EFCAB14: variants seen among roughly 807,000 people sequenced by gnomAD.
The protein encoded by EFCAB14 is EF-hand calcium-binding domain-containing protein 14.
Under a neutral mutation model 56.5 loss-of-function variants are expected in EFCAB14, and 43 were observed. The observed-to-expected ratio is 0.76, with a 90% CI of 0.60 to 0.98. EFCAB14 has a LOEUF of 0.98. Among genes scored for constraint, EFCAB14 ranks in the 50% least tolerant of loss-of-function variants. The pLI, the probability that EFCAB14 is intolerant of heterozygous loss-of-function variation, is 0.00. For missense variants in EFCAB14, 538 were observed against 580.3 expected, an observed-to-expected ratio of 0.93 and a Z score of 0.75; for synonymous variants, 235 against 212.9, an observed-to-expected ratio of 1.10 and a Z score of -0.90.
chr1:46,703,421 T>A (rs1051054030), intron 3 of EFCAB14, among the ~76,000 whole-genome samples: 6 of 152,336 alleles, frequency 3.9e-5, no homozygotes, highest in East Asian at 3.9e-4. Context: ...TCAATTTTTT[T>A]AAACTGATCA....
intron 4 of EFCAB14, among the ~76,000 whole-genome samples, chr1:46,696,107 C>CT (rs576354908): frequency 0.017 from 2,300 of 139,346 alleles, 36 homozygotes; most frequent in African/African-American, 0.049. Context: ...CCCAGGTCAT[C>CT]TTTTTTTTTT....
Position 46,718,304 on chromosome 1 carries a change from A to C in EFCAB14, c.-217T>G, listed in dbSNP as rs1022775782. 3 of 512,006 alleles carry C rather than the reference A, an allele frequency of 5.9e-6. No homozygotes were observed. The highest frequency in any genetic ancestry group is 5.7e-5 in the African/African-American group (3 of 52,630). 31.7% of individuals were successfully genotyped at this position (512,006 alleles called of 1,614,324 possible). Reference sequence around the variant, plus strand: ...GGAACTCAGATGGGTGGGGGAAATCACATAGAAATGGCCAAGGAGCTGGTG... The same window carrying C: ...GGAACTCAGATGGGTGGGGGAAATCCCATAGAAATGGCCAAGGAGCTGGTG... On this transcript the variant is annotated 5_prime_UTR_variant, in exon 1 of 11. The change abolishes the stop of an existing upstream ORF in the 5' untranslated region. Transcript: ENST00000371933.
In EFCAB14 at chr1:46,683,358, T is replaced by C. The variant is rs766796523; in HGVS notation, c.1254A>G (p.Pro418=). ...LPKFSQFLGD[P]VEKAAQLRPI... ...GTCTTAGTTGGGCAGCTTTCTCAAC[T>C]GGGTCTCCAAGAAACTGTGAAAATT... The change falls in exon 10 of 11, where the codon CCA becomes CCG. Residue 418 remains proline (P), a synonymous_variant. Transcript: ENST00000371933. 3.1e-6 allele frequency: 5 copies of C among 1,614,094 alleles called. No homozygotes were observed. Among genetic ancestry groups the C allele is most frequent in the Non-Finnish European group, 4.2e-6 (5 of 1,179,972 alleles).
At position 46,678,130 on chromosome 1, in the gene EFCAB14, C is replaced by A. The variant is rs777957825; in HGVS notation, c.*331G>T. 6 of 198,094 alleles carry A rather than the reference C, an allele frequency of 3.0e-5. No homozygotes were observed. Among genetic ancestry groups the A allele is most frequent in the East Asian group, 1.5e-4 (1 of 6,856 alleles). The allele number at this position is 198,094 out of a possible 1,614,324, so 12.3% of individuals were successfully genotyped here. A position where few individuals can be genotyped will look rare whatever the true frequency, so the allele number is the denominator to read the frequency against. ...AATATAAAAGTGGCTTATTCTCTCT[C>A]TATATACATTTCCCAGCTTTAAAAG... On this transcript the variant is annotated 3_prime_UTR_variant, in exon 11 of 11. Transcript: ENST00000371933.
chr1:46,709,453 C>G (rs1677276994), intron 2 of EFCAB14, among the ~76,000 whole-genome samples: 1 of 152,184 alleles, frequency 6.6e-6, no homozygotes, highest in African/African-American at 2.4e-5. Flanking sequence ...CACTGCACCT[C>G]TTTTCACTCC....
chr1:46,700,707 T>A (rs931995685), intron 3 of EFCAB14, among the ~76,000 whole-genome samples: 9 of 152,204 alleles, frequency 5.9e-5, no homozygotes, highest in Non-Finnish European at 7.3e-5. Context: ...CATGATATAT[T>A]TTTTAAAATA....
At chr1:46,678,707 A>C in intron 10 of EFCAB14, 71 bp from the exon 11 acceptor site, 1 of 1,433,016 alleles carries the variant, frequency 7.0e-7, no homozygotes, top group Non-Finnish European at 9.4e-7. Flanking sequence ...AGTAGTCTCA[A>C]CTGAATTTAA....
intron 2 of EFCAB14, among the ~76,000 whole-genome samples, chr1:46,714,382 C>T (rs981113654): frequency 2.7e-5 from 4 of 148,220 alleles, no homozygotes; most frequent in Non-Finnish European, 4.4e-5. Flanking sequence ...GGTTCCTTTG[C>T]TTAGAAGATT....
rs570373593 is a variant in EFCAB14, at chr1:46,692,995, T to C, written c.580-1058A>G. 4.6e-5 allele frequency among the ~76,000 whole-genome samples: 7 copies of C among 152,302 alleles called. No individual in the cohort carries two copies. In the South Asian group the frequency reaches 1.5e-3, roughly 32 times the overall value. On this transcript the variant is annotated intron_variant, in intron 4 of 10. Coordinates refer to ENST00000371933, the MANE Select transcript of EFCAB14 (RefSeq NM_014774.3). ...AGATGGCCGAGCTAACACAGTAGAC[T>C]GCCACTTGTTAGGAGCAAAGGACAC...
At chr1:46,701,651 A>G (rs1677160536) in intron 3 of EFCAB14, among the ~76,000 whole-genome samples, 1 of 152,242 alleles carries the variant, frequency 6.6e-6, no homozygotes, top group South Asian at 2.1e-4. Context: ...GCTGAAAGCC[A>G]ATGCCAGCAG....
At chr1:46,692,740 G>A (rs1677018806) in intron 4 of EFCAB14, among the ~76,000 whole-genome samples, 2 of 152,154 alleles carry the variant, frequency 1.3e-5, no homozygotes, top group South Asian at 2.1e-4. Flanking sequence ...GAAAATCGGT[G>A]TTTCTGATTA....
At chr1:46,710,508 G>GTATC (rs1677293272) in intron 2 of EFCAB14, among the ~76,000 whole-genome samples, 1 of 151,960 alleles carries the variant, frequency 6.6e-6, no homozygotes, top group Admixed American at 6.5e-5. Flanking sequence ...TCAGTCTCTA[G>GTATC]TATCCTCTGT....
At chr1:46,702,774 C>G (rs923261659) in intron 3 of EFCAB14, among the ~76,000 whole-genome samples, 1 of 152,116 alleles carries the variant, frequency 6.6e-6, no homozygotes, top group African/African-American at 2.4e-5. Context: ...GAAGTATATG[C>G]AAATAAGCAT....
Position 46,678,276 on chromosome 1 carries a change from T to A in EFCAB14, c.*185A>T, listed in dbSNP as rs747422448. 1.5e-4 allele frequency: 69 copies of A among 471,998 alleles called. No homozygotes were observed. The highest frequency in any genetic ancestry group is 2.4e-4 in the Non-Finnish European group (66 of 275,330). 29.2% of individuals were successfully genotyped at this position (471,998 alleles called of 1,614,324 possible). A position where few individuals can be genotyped will look rare whatever the true frequency, so the allele number is the denominator to read the frequency against. On this transcript the variant is annotated 3_prime_UTR_variant, in exon 11 of 11. Coordinates refer to ENST00000371933, the MANE Select transcript of EFCAB14 (RefSeq NM_014774.3). ...GGAAATCATAGATTTCTGAACATCA[T>A]AAGTAAAATGGTCTTCTTCTTTAAA...
intron 1 of EFCAB14, 38 bp from the exon 2 acceptor site, chr1:46,716,481 T>TACAA: frequency 6.2e-7 from 1 of 1,609,356 alleles, no homozygotes; most frequent in Non-Finnish European, 8.5e-7. Flanking sequence ...AGTACAAAAG[T>TACAA]GATTATGGGT....
chr1:46,691,728 T>C, intron 5 of EFCAB14, 99 bp downstream of exon 5: 2 of 725,768 alleles, frequency 2.8e-6, no homozygotes, highest in Non-Finnish European at 4.7e-6. Flanking sequence ...TTTGAACAGA[T>C]GCATAGCAGG....
intron 9 of EFCAB14, 81 bp from the exon 10 acceptor site, chr1:46,683,506 G>T: frequency 1.4e-6 from 2 of 1,405,386 alleles, no homozygotes; most frequent in East Asian, 2.3e-5. Context: ...CACCTTTTAG[G>T]AAAATTGGAT....
intron 10 of EFCAB14, among the ~76,000 whole-genome samples, chr1:46,681,630 T>C (rs1676795909): frequency 6.6e-6 from 1 of 151,240 alleles, no homozygotes; most frequent in Non-Finnish European, 1.5e-5. Context: ...TTGTTCCCAA[T>C]GCCTTACACC....
intron 10 of EFCAB14, among the ~76,000 whole-genome samples, chr1:46,680,034 C>T (rs1263260357): frequency 6.6e-6 from 1 of 151,974 alleles, no homozygotes; most frequent in Non-Finnish European, 1.5e-5. Context: ...ACTACGATGG[C>T]TATAATAAAA....
Sources: gnomAD v4.1 joint callset for allele counts (sites outside exome capture counted in the v4.1 genomes callset) on GRCh38, gnomAD v4.1.1 for gene constraint, MANE v1.5 for transcripts, NCBI Gene and HGNC (gene_info 2026-07-23, HGNC 2026-07-21) for gene names.